ATRNL1: variants seen among roughly 807,000 people sequenced by gnomAD.
The protein encoded by ATRNL1 is attractin like 1, also known as attractin-like protein 1.
A neutral mutation model predicts 182.7 loss-of-function variants in ATRNL1; 95 were observed. The ratio of observed to expected loss-of-function variants is 0.52; its 90% confidence interval spans 0.44 to 0.62. The LOEUF (loss-of-function observed/expected upper bound fraction) is 0.62. Among genes scored for constraint, ATRNL1 ranks in the 20% least tolerant of loss-of-function variants. ATRNL1 has a pLI of 0.00. For missense variants in ATRNL1, 1,471 were observed against 1,679.5 expected (o/e 0.88, Z 2.17); for synonymous variants, 576 against 568.3 (o/e 1.01, Z -0.19).
At chr10:115,311,968 C>T (rs1470362232) in intron 17 of ATRNL1, among the ~76,000 whole-genome samples, 1 of 151,710 alleles carries the variant, frequency 6.6e-6, no homozygotes, top group Non-Finnish European at 1.5e-5. Context: ...TATCTTTTTC[C>T]ACCCCTTTAC....
At chr10:115,100,715 C>T (rs1843738012) in intron 1 of ATRNL1, among the ~76,000 whole-genome samples, 1 of 152,094 alleles carries the variant, frequency 6.6e-6, no homozygotes, top group Non-Finnish European at 1.5e-5. Context: ...ATTTTGGCTA[C>T]TCTGAGTCCT....
intron 26 of ATRNL1, among the ~76,000 whole-genome samples, chr10:115,690,457 GC>G (rs1304403767): frequency 4.7e-4 from 71 of 152,164 alleles, no homozygotes; most frequent in Non-Finnish European, 5.1e-4. Flanking sequence ...AAGAAGTGGG[GC>G]TCAGGTGGTA....
chr10:115,159,073 T>G (rs1194822617), intron 5 of ATRNL1, among the ~76,000 whole-genome samples: 3 of 151,682 alleles, frequency 2.0e-5, no homozygotes, highest in Admixed American at 6.6e-5. Flanking sequence ...TTATGAGAAT[T>G]AATATCATTT....
chr10:115,153,847 T>G (rs989013503), intron 5 of ATRNL1, among the ~76,000 whole-genome samples: 8 of 152,212 alleles, frequency 5.3e-5, no homozygotes, highest in Admixed American at 2.0e-4. Flanking sequence ...CTTTCTGTTG[T>G]GGGCATTTAG....
chr10:115,307,803 G>A (rs1554926650), intron 17 of ATRNL1, among the ~76,000 whole-genome samples: 3 of 152,110 alleles, frequency 2.0e-5, no homozygotes. Flanking sequence ...TGACATTCTT[G>A]TTCAAAATAC....
intron 15 of ATRNL1, among the ~76,000 whole-genome samples, chr10:115,298,809 A>G (rs1336286764): frequency 6.6e-6 from 1 of 152,078 alleles, no homozygotes; most frequent in Non-Finnish European, 1.5e-5. Flanking sequence ...ATTACCTACT[A>G]TATGTACAGT....
intron 5 of ATRNL1, among the ~76,000 whole-genome samples, chr10:115,130,072 T>C (rs1554874744): frequency 5.9e-5 from 9 of 152,186 alleles, no homozygotes; most frequent in Non-Finnish European, 1.2e-4. Context: ...GTAATTTTTA[T>C]AAATATCTAT....
chr10:115,538,590 G>C (rs1852175174), intron 25 of ATRNL1, among the ~76,000 whole-genome samples: 2 of 151,934 alleles, frequency 1.3e-5, no homozygotes, highest in African/African-American at 4.8e-5. Context: ...TGTATATTCT[G>C]GATACAACTC....
At chr10:115,147,774 T>C (rs1341990233) in intron 5 of ATRNL1, among the ~76,000 whole-genome samples, 1 of 152,082 alleles carries the variant, frequency 6.6e-6, no homozygotes, top group Non-Finnish European at 1.5e-5. Context: ...TCAGTGAGTA[T>C]AAATATGTAG....
intron 1 of ATRNL1, among the ~76,000 whole-genome samples, chr10:115,099,317 A>G (rs538428660): frequency 7.5e-4 from 114 of 152,302 alleles, no homozygotes; most frequent in African/African-American, 2.6e-3. Flanking sequence ...TAATTTGTTT[A>G]TCCATTCAAC....
At chr10:115,465,145 A>C (rs140374688) in intron 22 of ATRNL1, among the ~76,000 whole-genome samples, 21 of 151,876 alleles carry the variant, frequency 1.4e-4, no homozygotes, top group African/African-American at 4.3e-4. Flanking sequence ...TAAAGACCTG[A>C]AATTTCAATC....
rs1467773306 is a variant in ATRNL1 at position 115,780,429 on chromosome 10, C to G, written c.3903+53074C>G. Among the ~76,000 whole-genome samples, 3 of 152,126 alleles carry G rather than the reference C, an allele frequency of 2.0e-5. No homozygotes were observed. The East Asian group carries it at 5.8e-4, about 29-fold the overall frequency. ...AGGCAAGTCCTAGTGCTGTACTGGG[C>G]CAGTAGACCTTGGTAGGGGGCACAG... On this transcript the variant is annotated intron_variant, in intron 27 of 28. Transcript: ENST00000355044.
chr10:115,479,795 T>C (rs1032549517), intron 24 of ATRNL1, among the ~76,000 whole-genome samples: 3 of 151,270 alleles, frequency 2.0e-5, no homozygotes, highest in Non-Finnish European at 4.4e-5. Flanking sequence ...TAATAAAAAA[T>C]AGAAAAAAGT....
intron 6 of ATRNL1, among the ~76,000 whole-genome samples, chr10:115,163,791 A>T (rs1484942096): frequency 1.3e-5 from 2 of 152,180 alleles, no homozygotes; most frequent in Non-Finnish European, 2.9e-5. Flanking sequence ...CTAATTTATG[A>T]TAACTTGGAA....
At chr10:115,312,920 T>G (rs1399169910) in intron 17 of ATRNL1, among the ~76,000 whole-genome samples, 1 of 152,148 alleles carries the variant, frequency 6.6e-6, no homozygotes, top group African/African-American at 2.4e-5. Flanking sequence ...GACAAAGTAT[T>G]GTTAAAACTA....
At chr10:115,169,908 A>G (rs1433908291) in intron 7 of ATRNL1, among the ~76,000 whole-genome samples, 2 of 152,056 alleles carry the variant, frequency 1.3e-5, no homozygotes, top group East Asian at 1.9e-4. Context: ...GCTTTTGTCA[A>G]TGTAATTATT....
intron 24 of ATRNL1, among the ~76,000 whole-genome samples, chr10:115,501,440 G>A (rs1554980082): frequency 1.3e-5 from 2 of 152,098 alleles, no homozygotes; most frequent in African/African-American, 4.8e-5. Context: ...TTTCCATGGG[G>A]CTGTTATTGG....
chr10:115,134,499 T>C (rs958575619), intron 5 of ATRNL1, among the ~76,000 whole-genome samples: 4 of 151,978 alleles, frequency 2.6e-5, no homozygotes, highest in African/African-American at 9.7e-5. Flanking sequence ...AAGTTGAATC[T>C]CTGAATAGAC....
chr10:115,289,205 G>A (rs1193246377), intron 15 of ATRNL1, among the ~76,000 whole-genome samples: 1 of 152,054 alleles, frequency 6.6e-6, no homozygotes, highest in East Asian at 1.9e-4. Context: ...ACTATCATGA[G>A]AACAGCACAG....
Sources: gnomAD v4.1 joint callset for allele counts (sites outside exome capture counted in the v4.1 genomes callset) on GRCh38, gnomAD v4.1.1 for gene constraint, MANE v1.5 for transcripts, NCBI Gene and HGNC (gene_info 2026-07-23, HGNC 2026-07-21) for gene names.